QRFPR: variants seen among roughly 807,000 people sequenced by gnomAD.
QRFPR encodes the protein pyroglutamylated RFamide peptide receptor, also known as pyroglutamylated RF-amide peptide receptor.
QRFPR carries 37 observed loss-of-function variants against 31.3 expected under a neutral mutation model. The ratio of observed to expected loss-of-function variants is 1.18; its 90% CI spans 0.91 to 1.56. The LOEUF is 1.56. Ranked by LOEUF, QRFPR falls within the 40% of genes most tolerant of loss-of-function variation. The pLI is 0.00. For missense variants in QRFPR, 542 were observed against 532.5 expected (o/e 1.02, Z -0.18); for synonymous variants, 197 against 192.0 (o/e 1.03, Z -0.22).
chr4:121,380,205 GAGAGAGAGAGA>G (rs1726454301), intron 1 of QRFPR, 92 bp downstream of exon 1: 1 of 326,346 alleles, frequency 3.1e-6, no homozygotes, highest in African/African-American at 3.8e-5. Context: ...GAGAGAGAGA[GAGAGAGAGAGA>G]GAGAGAGAGA....
chr4:121,373,880 CT>C (rs1240068057), intron 1 of QRFPR, among the ~76,000 whole-genome samples: 1 of 152,190 alleles, frequency 6.6e-6, no homozygotes, highest in East Asian at 1.9e-4. Flanking sequence ...CCCTCCTTTC[CT>C]TCCAGTTAAA....
intron 3 of QRFPR, among the ~76,000 whole-genome samples, chr4:121,335,780 A>G (rs1467797671): frequency 6.6e-6 from 1 of 152,194 alleles, no homozygotes; most frequent in Non-Finnish European, 1.5e-5. Flanking sequence ...GTTTAATAAC[A>G]GAACTCACAC....
intron 4 of QRFPR, 131 bp from the exon 5 acceptor site, chr4:121,330,654 T>C: frequency 1.6e-6 from 1 of 641,128 alleles, no homozygotes; most frequent in East Asian, 2.7e-5. Context: ...CGATAGGTTA[T>C]TCGTGGGCTG....
rs773074046 is a variant in QRFPR at position 121,332,879 on chromosome 4, CT to C, written c.738del (p.Val247LeufsTer18). ...GTTCGAAGCACTGAACCATCCCCAACTCTTTTCTTTATCCAAAGTTCATAAC... is the reference window on the plus strand; with the variant it reads ...GTTCGAAGCACTGAACCATCCCCAACCTTTTCTTTATCCAAAGTTCATAAC... ...KIGYELWIKK[R>X]VGDGSVLRTI... On this transcript the variant is annotated frameshift_variant, in exon 4 of 6. Transcript: ENST00000394427. LOFTEE classifies it high-confidence loss of function. 3.1e-6 allele frequency: 5 copies of C among 1,614,026 alleles called. No homozygotes were observed. Among genetic ancestry groups the C allele is most frequent in the Non-Finnish European group, 4.2e-6 (5 of 1,180,012 alleles).
At chr4:121,334,144 G>C (rs1396974848) in intron 3 of QRFPR, among the ~76,000 whole-genome samples, 1 of 152,254 alleles carries the variant, frequency 6.6e-6, no homozygotes, top group Non-Finnish European at 1.5e-5. Flanking sequence ...CAATGACCAG[G>C]GGGTATGGAC....
At chr4:121,375,995 C>T (rs550501450) in intron 1 of QRFPR, among the ~76,000 whole-genome samples, 10 of 152,160 alleles carry the variant, frequency 6.6e-5, no homozygotes, top group African/African-American at 2.4e-4. Context: ...GAGGAAAAAA[C>T]AAAACAAAAT....
intron 1 of QRFPR, chr4:121,369,859 T>G (rs1417819213): frequency 1.0e-5 from 9 of 874,522 alleles, no homozygotes; most frequent in African/African-American, 1.6e-5. Context: ...TCTCTTCTTT[T>G]GTTATCTCTC....
intron 1 of QRFPR, among the ~76,000 whole-genome samples, chr4:121,376,203 A>G (rs1726349671): frequency 1.3e-5 from 2 of 152,206 alleles, no homozygotes; most frequent in African/African-American, 4.8e-5. Flanking sequence ...GCCATTTATA[A>G]TATTTGGGTG....
rs76536576 is a variant in QRFPR at position 121,347,369 on chromosome 4, C to G, written c.341-6759G>C. ...AAATAAATTGCCTTATACCGCTTTT[C>G]TTTTAATTTATTGATTTCAGATGAT... On this transcript the variant is annotated intron_variant, in intron 1 of 5. Transcript: ENST00000394427. 3.3e-5 allele frequency among the ~76,000 whole-genome samples: 5 copies of G among 152,074 alleles called. 1 individual carries two copies. In the South Asian group the frequency reaches 1.0e-3, roughly 32 times the overall value.
Position 121,329,275 on chromosome 4 carries a change from A to T in QRFPR, c.*39T>A, listed in dbSNP as rs1725272224. ...CTCAAAATAATTTTCTCTTTGGGTT[A>T]CAATCTGAAGGGCATTAATTATGAA... On this transcript the variant is annotated 3_prime_UTR_variant, in exon 6 of 6. Transcript: ENST00000394427. 6.9e-7 allele frequency: 1 copy of T among 1,450,948 alleles called. No homozygotes were observed. Among genetic ancestry groups the T allele is most frequent in the Admixed American group, 2.2e-5 (1 of 46,092 alleles). The allele number at this position is 1,450,948 out of a possible 1,614,324, so 89.9% of individuals were successfully genotyped here.
intron 1 of QRFPR, among the ~76,000 whole-genome samples, chr4:121,345,597 G>T (rs992210118): frequency 2.0e-5 from 3 of 152,150 alleles, no homozygotes; most frequent in African/African-American, 4.8e-5. Context: ...CTCCACTGCT[G>T]CTTCCATTTC....
At chr4:121,338,128 A>AGTCT (rs1376348688) in intron 2 of QRFPR, among the ~76,000 whole-genome samples, 2 of 152,178 alleles carry the variant, frequency 1.3e-5, no homozygotes, top group Non-Finnish European at 2.9e-5. Context: ...AGGACTCACA[A>AGTCT]GTCTGTCTGT....
chr4:121,366,520 G>T, intron 1 of QRFPR, among the ~76,000 whole-genome samples: 1 of 143,720 alleles, frequency 7.0e-6, no homozygotes, highest in Non-Finnish European at 1.5e-5. Context: ...AAAGAATTCT[G>T]GGTATCCAAC....
intron 1 of QRFPR, chr4:121,369,388 G>T (rs1216510014): frequency 2.3e-5 from 16 of 701,286 alleles, no homozygotes; most frequent in Non-Finnish European, 3.8e-5. Context: ...GCAGTGGAGT[G>T]CAAGAAACCT....
Position 121,373,697 on chromosome 4 carries a change from C to T in QRFPR, c.340+6611G>A, listed in dbSNP as rs541173457. Among the ~76,000 whole-genome samples, 156 of 152,182 alleles carry T rather than the reference C, an allele frequency of 1.0e-3. 1 individual carries two copies. The highest frequency in any genetic ancestry group is 1.7e-3 in the South Asian group (8 of 4,814). ...CACTGATTGAATAATAAAATGGGAC[C>T]GAAGAAGTTCCAGGTTAAGCTCTCT... On this transcript the variant is annotated intron_variant, in intron 1 of 5. Transcript: ENST00000394427.
intron 1 of QRFPR, among the ~76,000 whole-genome samples, chr4:121,348,414 CT>C (rs1351687273): frequency 6.6e-6 from 1 of 152,014 alleles, no homozygotes. Flanking sequence ...AGTGTTTGTT[CT>C]TTTAAGACTT....
rs1017391267 is a variant in QRFPR at position 121,380,754 on chromosome 4, C to G, written c.-107G>C. 1 of 1,103,458 alleles carries G rather than the reference C, an allele frequency of 9.1e-7. No individual in the cohort carries two copies. Among genetic ancestry groups the G allele is most frequent in the Non-Finnish European group, 1.3e-6 (1 of 788,634 alleles). The allele number at this position is 1,103,458 out of a possible 1,614,324, so 68.4% of individuals were successfully genotyped here. A position where few individuals can be genotyped will look rare whatever the true frequency, so the allele number is the denominator to read the frequency against. On this transcript the variant is annotated 5_prime_UTR_variant, in exon 1 of 6. Coordinates refer to ENST00000394427, the MANE Select transcript of QRFPR (RefSeq NM_198179.3). ...GACCAGCCGGAGGCCGCCTCCCTTCCTCTACTCTGGAGTCAGCCGCGCGGG... is the reference window on the plus strand; with the variant it reads ...GACCAGCCGGAGGCCGCCTCCCTTCGTCTACTCTGGAGTCAGCCGCGCGGG...
At chr4:121,346,957 C>A (rs542825053) in intron 1 of QRFPR, among the ~76,000 whole-genome samples, 7 of 152,198 alleles carry the variant, frequency 4.6e-5, no homozygotes, top group Non-Finnish European at 8.8e-5. Flanking sequence ...TGCCCATGTT[C>A]ATAAGAGCTA....
chr4:121,329,238 A>G lies in QRFPR; in HGVS notation c.*76T>C, dbSNP rs1006152085. 3.6e-4 allele frequency: 413 copies of G among 1,139,862 alleles called. No individual in the cohort carries two copies. The highest frequency in any genetic ancestry group is 4.8e-4 in the Non-Finnish European group (388 of 803,084). The allele number at this position is 1,139,862 out of a possible 1,614,324, so 70.6% of individuals were successfully genotyped here. On this transcript the variant is annotated 3_prime_UTR_variant, in exon 6 of 6. Transcript: ENST00000394427. Reference sequence around the variant, plus strand: ...TCATCATCTTAAGAATAAAAAGAGTATTTGACCTTTGCTCAAAATAATTTT... The same window carrying G: ...TCATCATCTTAAGAATAAAAAGAGTGTTTGACCTTTGCTCAAAATAATTTT...
Sources: gnomAD v4.1 joint callset for allele counts (sites outside exome capture counted in the v4.1 genomes callset) on GRCh38, gnomAD v4.1.1 for gene constraint, MANE v1.5 for transcripts, NCBI Gene and HGNC (gene_info 2026-07-23, HGNC 2026-07-21) for gene names.